The following PPM1G variants were observed in gnomAD, a reference collection of about 807,000 sequenced individuals.
PPM1G encodes the protein protein phosphatase 1G.
In PPM1G, 12 loss-of-function variants were observed where a neutral mutation model predicts 59.4. The observed-to-expected ratio is 0.20, with a 90% CI of 0.13 to 0.33. PPM1G has a LOEUF of 0.33. Among genes scored for constraint, PPM1G ranks in the 10% least tolerant of loss-of-function variants. The pLI, the probability that PPM1G is intolerant of heterozygous loss-of-function variation, is 1.00. For missense variants in PPM1G, 392 were observed against 681.3 expected (o/e 0.58, Z 4.73); for synonymous variants, 245 against 251.9 (o/e 0.97, Z 0.26).
intron 1 of PPM1G, among the ~76,000 whole-genome samples, chr2:27,400,796 T>A (rs911721915): frequency 6.6e-6 from 1 of 152,196 alleles, no homozygotes; most frequent in South Asian, 2.1e-4. Flanking sequence ...CTAGCATCTC[T>A]TTCCTGGTTA....
Position 27,385,084 on chromosome 2 carries a change from G to A in PPM1G, c.414C>T (p.Asp138=), listed in dbSNP as rs770495893. The part of the protein sequence containing the change: ...KEKVADEDDV[D]NEEAALLHEE... ...CATGCAGCAGTGCAGCCTCCTCATT[G>A]TCCACTGCAGGGAAGAGGCTAAATC... Residue 138 remains aspartate, a synonymous_variant, in exon 5 of 10, where the codon GAC becomes GAT. Transcript: ENST00000344034. This position sits in a 1 kb window ranked among gnomAD's most constrained non-coding sequence, Gnocchi z 4.1. The A allele has an allele frequency of 6.3e-7, 1 of 1,598,766 alleles. No individual in the cohort carries two copies. Among genetic ancestry groups the A allele is most frequent in the South Asian group, 1.1e-5 (1 of 88,958 alleles).
intron 1 of PPM1G, among the ~76,000 whole-genome samples, chr2:27,397,778 CG>C (rs1340166786): frequency 3.3e-5 from 5 of 152,028 alleles, no homozygotes; most frequent in Non-Finnish European, 2.9e-5. Flanking sequence ...CTGAGGCAGG[CG>C]GATCTCTTGA....
intron 1 of PPM1G, among the ~76,000 whole-genome samples, chr2:27,397,406 T>C (rs1006620108): frequency 2.0e-5 from 3 of 151,992 alleles, no homozygotes; most frequent in African/African-American, 7.3e-5. Flanking sequence ...CAGACCAATA[T>C]CTCTTATGAA....
intron 9 of PPM1G, 55 bp from the exon 10 acceptor site, chr2:27,381,860 T>C (rs1351349388): frequency 1.3e-6 from 2 of 1,560,772 alleles, no homozygotes; most frequent in African/African-American, 2.7e-5. Flanking sequence ...TTGCCAGGAA[T>C]CTACAGTCCC....
In PPM1G at chr2:27,382,222, C is replaced by T; in HGVS notation, c.1338G>A (p.Val446=). Residue 446 remains valine (V), a synonymous_variant, in exon 9 of 10, where the codon GTG becomes GTA. Transcript: ENST00000344034. This position sits in a 1 kb window ranked among gnomAD's most constrained non-coding sequence, Gnocchi z 4.2. ...MVIACDGIWN[V]MSSQEVVDFI... The stretch of plus-strand genomic sequence containing the variant: ...AATCTACAACTTCCTGGCTGCTCAT[C>T]ACATTCCTGGGGTCAAGAACAACAG... 6.2e-7 allele frequency: 1 copy of T among 1,614,134 alleles called. No individual in the cohort carries two copies. The highest frequency in any genetic ancestry group is 8.5e-7 in the Non-Finnish European group (1 of 1,179,968).
At position 27,381,660 on chromosome 2, in the gene PPM1G, G is replaced by A. The variant is rs1481891496; in HGVS notation, c.1580C>T (p.Ser527Phe). The change falls in exon 10 of 10, where the codon TCT (serine) becomes TTT (phenylalanine). Residue 527 changes from serine to phenylalanine, a missense_variant. Around this residue, in one of 6 missense-constraint regions of PPM1G, gnomAD observed 49 missense variants for 43.4 expected, o/e 1.13. Coordinates refer to ENST00000344034, the MANE Select transcript of PPM1G (RefSeq NM_177983.3). Reference sequence around the variant, plus strand: ...GCCATTTTCTTCAGCCCCCTCAGTAGAGAGCACCTCCTCTAGTTTTCGCTT... The same window carrying A: ...GCCATTTTCTTCAGCCCCCTCAGTAAAGAGCACCTCCTCTAGTTTTCGCTT... ...SGKRKLEEVL[S>F]TEGAEENGNS... is the part of the protein sequence containing the mutation. 3.1e-6 allele frequency: 5 copies of A among 1,614,074 alleles called. No individual in the cohort carries two copies. Among genetic ancestry groups the A allele is most frequent in the East Asian group, 2.2e-5 (1 of 44,860 alleles).
chr2:27,409,336 G>A lies in PPM1G; in HGVS notation c.87C>T (p.Phe29=), dbSNP rs570150546. 1.3e-6 allele frequency: 2 copies of A among 1,545,132 alleles called. No homozygotes were observed. The highest frequency in any genetic ancestry group is 2.5e-5 in the East Asian group (1 of 39,970). ...AGACGCGCCAGCCTTGCATGGCGGAGAAGCCGTAGGGCAGCGGCAGGCGCG... is the reference window on the plus strand; with the variant it reads ...AGACGCGCCAGCCTTGCATGGCGGAAAAGCCGTAGGGCAGCGGCAGGCGCG... ...GAPRLPLPYG[F]SAMQGWRVSM... is the part of the protein sequence containing the mutation. Residue 29 remains phenylalanine, a synonymous_variant, in exon 1 of 10, where the codon TTC becomes TTT. Coordinates refer to ENST00000344034, the MANE Select transcript of PPM1G (RefSeq NM_177983.3).
chr2:27,385,334 C>T lies in PPM1G; in HGVS notation c.410-246G>A, dbSNP rs1303747082. 2 of 467,980 alleles carry T rather than the reference C, an allele frequency of 4.3e-6. No individual in the cohort carries two copies. The highest frequency in any genetic ancestry group is 2.0e-5 in the African/African-American group (1 of 49,804). The allele number at this position is 467,980 out of a possible 1,614,324, so 29.0% of individuals were successfully genotyped here. A position where few individuals can be genotyped will look rare whatever the true frequency, so the allele number is the denominator to read the frequency against. ...AGTTACTATACTTCCCCTCTGACGT[C>T]TCATTTTTTATTGTTAAGTTGTAAA... is the stretch of plus-strand genomic sequence containing the variant. On this transcript the variant is annotated intron_variant, in intron 4 of 9. Transcript: ENST00000344034. The surrounding 1 kb of genome is among the most constrained non-coding windows in gnomAD (Gnocchi z 4.1).
Position 27,384,538 on chromosome 2 carries a change from CT to C in PPM1G, c.825+134del. The C allele has an allele frequency of 8.8e-7, 1 of 1,142,454 alleles. No individual in the cohort carries two copies. The allele number at this position is 1,142,454 out of a possible 1,614,324, so 70.8% of individuals were successfully genotyped here. ...ATGATGGAGCTCAATGAATTCAAGACTAAAGCTTAGAATACAGTGGGTCTTG... is the reference window on the plus strand; with the variant it reads ...ATGATGGAGCTCAATGAATTCAAGACAAAGCTTAGAATACAGTGGGTCTTG... On this transcript the variant is annotated intron_variant, in intron 5 of 9. Coordinates refer to ENST00000344034, the MANE Select transcript of PPM1G (RefSeq NM_177983.3). This position sits in a 1 kb window ranked among gnomAD's most constrained non-coding sequence, Gnocchi z 4.8.
chr2:27,384,005 C>A lies in PPM1G; in HGVS notation c.913G>T (p.Asp305Tyr). ...EDDTEEAEED[D>Y]EEEEEEMMVP... ...ATCATCTCTTCTTCTTCTTCTTCAT[C>A]GTCCTCTTCAGCCTCCTCGGTGTCA... Residue 305 changes from aspartate to tyrosine, a missense_variant, in exon 6 of 10, where the codon GAT becomes TAT. Asp to Tyr is a radical substitution (Grantham distance 160). Transcript: ENST00000344034. The surrounding 1 kb of genome is among the most constrained non-coding windows in gnomAD (Gnocchi z 4.8). 6.3e-7 allele frequency: 1 copy of A among 1,578,940 alleles called. No homozygotes were observed.
At position 27,387,618 on chromosome 2, in the gene PPM1G, C is replaced by T. The variant is rs115183592; in HGVS notation, c.121-460G>A. ...TGGGTTCAAGCGATTCTCCTGCCTC[C>T]GCCTGCTGAATAGCTGAGATTACAG... is the stretch of plus-strand genomic sequence containing the variant. On this transcript the variant is annotated intron_variant, in intron 1 of 9. Coordinates refer to ENST00000344034, the MANE Select transcript of PPM1G (RefSeq NM_177983.3). Among the ~76,000 whole-genome samples the T allele has an allele frequency of 9.3e-3, 1,410 of 151,978 alleles. 16 individuals carry two copies. The highest frequency in any genetic ancestry group is 0.031 in the African/African-American group (1,295 of 41,444).
chr2:27,406,117 C>G (rs1663355994), intron 1 of PPM1G, among the ~76,000 whole-genome samples: 2 of 152,294 alleles, frequency 1.3e-5, no homozygotes, highest in South Asian at 4.1e-4. Flanking sequence ...ATTTTTGTCT[C>G]AAGAGTCCTC....
intron 1 of PPM1G, among the ~76,000 whole-genome samples, chr2:27,388,755 G>A (rs987130977): frequency 6.6e-6 from 1 of 151,514 alleles, no homozygotes; most frequent in Non-Finnish European, 1.5e-5. Flanking sequence ...GGCGCCTGTA[G>A]TCCCAGCTAC....
chr2:27,383,335 T>C lies in PPM1G; in HGVS notation c.1201+31A>G. Reference sequence around the variant, plus strand: ...TAGTCTGGGACAGAGAGAAAGACCCTAGAAGTCTTTCCCAGTTTCTTGGCC... The same window carrying C: ...TAGTCTGGGACAGAGAGAAAGACCCCAGAAGTCTTTCCCAGTTTCTTGGCC... On this transcript the variant is annotated intron_variant, in intron 7 of 9. Transcript: ENST00000344034. The surrounding 1 kb of genome is among the most constrained non-coding windows in gnomAD (Gnocchi z 5.0). 1 of 1,587,060 alleles carries C rather than the reference T, an allele frequency of 6.3e-7. No homozygotes were observed. Among genetic ancestry groups the C allele is most frequent in the South Asian group, 1.1e-5 (1 of 90,578 alleles).
In PPM1G at chr2:27,386,265, A is replaced by C. The variant is rs375124641; in HGVS notation, c.205T>G (p.Leu69Val). The stretch of plus-strand genomic sequence containing the variant: ...TCAGGAAGATATTTGGCACAGTACA[A>C]GGCAACTTCCTCCCCTAGAAGGAAA... ...YDGHGGEEVA[L>V]YCAKYLPDII... Residue 69 changes from leucine (L) to valine (V), a missense_variant, in exon 3 of 10, where the codon TTG (leucine) becomes GTG (valine). Around this residue, in one of 6 missense-constraint regions of PPM1G, gnomAD observed 68 missense variants for 145.9 expected, o/e 0.47. Transcript: ENST00000344034. 1.2e-6 allele frequency: 2 copies of C among 1,613,316 alleles called. No homozygotes were observed. Among genetic ancestry groups the C allele is most frequent in the African/African-American group, 1.3e-5 (1 of 75,014 alleles).
At chr2:27,386,134 G>A (rs1683758427) in intron 3 of PPM1G, 60 bp downstream of exon 3, 1 of 1,478,188 alleles carries the variant, frequency 6.8e-7, no homozygotes, top group Non-Finnish European at 9.4e-7. Flanking sequence ...AAAGCCCAAG[G>A]GCTAGAGAAC....
chr2:27,383,828 A>T lies in PPM1G; in HGVS notation c.966+124T>A. ...ACCATCTCATTCCCCTTGCAGAATA[A>T]ATCCCCATGACTATTACTTCCATCC... On this transcript the variant is annotated intron_variant, in intron 6 of 9. Transcript: ENST00000344034. The surrounding 1 kb of genome is among the most constrained non-coding windows in gnomAD (Gnocchi z 5.0). The T allele has an allele frequency of 7.1e-7, 1 of 1,416,724 alleles. No individual in the cohort carries two copies. Among genetic ancestry groups the T allele is most frequent in the East Asian group, 2.5e-5 (1 of 40,246 alleles). 87.8% of individuals were successfully genotyped at this position (1,416,724 alleles called of 1,614,324 possible). A position where few individuals can be genotyped will look rare whatever the true frequency, so the allele number is the denominator to read the frequency against.
intron 1 of PPM1G, among the ~76,000 whole-genome samples, chr2:27,407,176 G>A (rs988050854): frequency 6.6e-6 from 1 of 152,010 alleles, no homozygotes; most frequent in African/African-American, 2.4e-5. Flanking sequence ...ATGTTGTCCA[G>A]GCTGGTCTCG....
At position 27,384,907 on chromosome 2, in the gene PPM1G, C is replaced by G; in HGVS notation, c.591G>C (p.Arg197Ser). Reference protein sequence around the residue: ...NGEAGPEDSTRETPSQENGPT... With the variant: ...NGEAGPEDSTSETPSQENGPT... Reference sequence around the variant, plus strand: ...GGCCATTTTCTTGTGAAGGAGTTTCCCTAGTTGAGTCCTCAGGTCCTGCCT... The same window carrying G: ...GGCCATTTTCTTGTGAAGGAGTTTCGCTAGTTGAGTCCTCAGGTCCTGCCT... The change falls in exon 5 of 10, where the codon AGG becomes AGC. Residue 197 changes from arginine to serine, a missense_variant. By Grantham distance (110) the Arg-to-Ser change is moderately radical (BLOSUM62 -1). This residue lies in a region of PPM1G where 188 missense variants were observed against 248.8 expected (regional missense o/e 0.76). Coordinates refer to ENST00000344034, the MANE Select transcript of PPM1G (RefSeq NM_177983.3). The surrounding 1 kb of genome is among the most constrained non-coding windows in gnomAD (Gnocchi z 4.8). 2.5e-6 allele frequency: 4 copies of G among 1,614,148 alleles called. No homozygotes were observed. Among genetic ancestry groups the G allele is most frequent in the Non-Finnish European group, 3.4e-6 (4 of 1,180,026 alleles).
Sources: gnomAD v4.1 joint callset for allele counts (sites outside exome capture counted in the v4.1 genomes callset) on GRCh38, gnomAD v4.1.1 for gene constraint, gnomAD v4.1.1 regional missense constraint, Gnocchi (gnomAD v3.1) non-coding constraint, MANE v1.5 for transcripts, NCBI Gene and HGNC (gene_info 2026-07-23, HGNC 2026-07-21) for gene names.